Variants in PLXNB3 observed in about 807,000 individuals in gnomAD.
PLXNB3 encodes plexin B3, also known as plexin-B3.
Under a neutral mutation model 125.7 loss-of-function variants are expected in PLXNB3, and 80 were observed. The ratio of observed to expected loss-of-function variants is 0.64; its 90% CI spans 0.53 to 0.77. The LOEUF is 0.77. Among genes scored for constraint, PLXNB3 ranks in the 30% least tolerant of loss-of-function variants. The probability of loss-of-function intolerance (pLI) is 0.00; values close to 1 mark genes in which losing one functional copy is unlikely to be tolerated. For synonymous variants in PLXNB3, 954 were observed against 783.3 expected, an observed-to-expected ratio of 1.22 and a Z score of -3.64; for missense variants, 1,836 against 1,729.3, an observed-to-expected ratio of 1.06 and a Z score of -1.09.
chrX:153,774,826 G>A lies in PLXNB3; in HGVS notation c.3931+20G>A, dbSNP rs781955740. ...TCACAGGTGGGTGCGGAGGCGGGGG[G>A]ACAGGGTACCCACGAGGCCTGAACT... On this transcript the variant is annotated intron_variant, in intron 23 of 35. Coordinates refer to ENST00000361971, the MANE Select transcript of PLXNB3 (RefSeq NM_005393.3). 3 of 1,209,661 alleles carry A rather than the reference G, an allele frequency of 2.5e-6. No individual in the cohort carries two copies. The highest frequency in any genetic ancestry group is 3.0e-5 in the East Asian group (1 of 33,833).
At position 153,765,491 on chromosome X, in the gene PLXNB3, A is replaced by C. The variant is rs1488278692; in HGVS notation, c.-45A>C. On this transcript the variant is annotated 5_prime_UTR_variant, in exon 2 of 36. Transcript: ENST00000361971. ...CTCAGGACAATGCCCCCCCGCAGCC[A>C]TCTCATGCCCATCGCCACTGCCCTG... 1.7e-6 allele frequency: 2 copies of C among 1,167,444 alleles called. No homozygotes were observed. The highest frequency in any genetic ancestry group is 3.6e-5 in the African/African-American group (2 of 56,315).
chrX:153,770,699 G>C, intron 10 of PLXNB3, 57 bp downstream of exon 10: 6 of 1,207,194 alleles, frequency 5.0e-6, no homozygotes, highest in Non-Finnish European at 6.7e-6. Context: ...ACCCTTCCCA[G>C]ACCCGCCCAG....
Position 153,774,692 on chromosome X carries a change from G to T in PLXNB3, c.3831-14G>T. 9.5e-6 allele frequency: 11 copies of T among 1,154,976 alleles called. No individual in the cohort carries two copies. The highest frequency in any genetic ancestry group is 1.3e-5 in the Non-Finnish European group (11 of 865,476). On this transcript the variant is annotated splice_polypyrimidine_tract_variant and intron_variant, in intron 22 of 35. Transcript: ENST00000361971. Reference sequence around the variant, plus strand: ...GCCCCGGCCCTGGCTGATGAAGCTGGCCCCGGGCTGCAGGCACAAGAGCAA... The same window carrying T: ...GCCCCGGCCCTGGCTGATGAAGCTGTCCCCGGGCTGCAGGCACAAGAGCAA...
rs1161774970 is a variant in PLXNB3 at position 153,769,282 on chromosome X, C to G, written c.1496+20C>G. ...GGGCAGGTGAGCACGGGGCCTGTGC[C>G]TAGGCTAGGGCCAACGGGTGGTGTG... On this transcript the variant is annotated intron_variant, in intron 6 of 35. Transcript: ENST00000361971. The G allele has an allele frequency of 3.6e-6, 4 of 1,117,176 alleles. No homozygotes were observed. Among genetic ancestry groups the G allele is most frequent in the African/African-American group, 1.8e-5 (1 of 55,230 alleles). 92.1% of individuals were successfully genotyped at this position (1,117,176 alleles called of 1,213,427 possible).
chrX:153,771,909 A>G lies in PLXNB3; in HGVS notation c.2563A>G (p.Ile855Val), dbSNP rs1488656820. ...CCCTGAGGGAGGCTTGGCCCTCACC[A>G]TCCTGGGCTCCAACCTGGGCCGGGC... ...GPPEGGLALT[I>V]LGSNLGRAFA... The change falls in exon 15 of 36, where the codon ATC (isoleucine) becomes GTC (valine). Residue 855 changes from isoleucine (I) to valine (V), a missense_variant. By Grantham distance (29) the Ile-to-Val change is conservative. Coordinates refer to ENST00000361971, the MANE Select transcript of PLXNB3 (RefSeq NM_005393.3). 6 of 1,208,546 alleles carry G rather than the reference A, an allele frequency of 5.0e-6. No individual in the cohort carries two copies. The African/African-American group carries it at 8.7e-5, about 17-fold the overall frequency.
At position 153,767,605 on chromosome X, in the gene PLXNB3, C is replaced by A; in HGVS notation, c.778C>A (p.Arg260Ser). 4 of 1,190,391 alleles carry A rather than the reference C, an allele frequency of 3.4e-6. No homozygotes were observed. The highest frequency in any genetic ancestry group is 2.4e-4 in the Middle Eastern group (1 of 4,240). Residue 260 changes from arginine to serine, a missense_variant, in exon 3 of 36, where the codon CGC becomes AGC. Physicochemically the swap from Arg to Ser is moderately radical, Grantham distance 110. Transcript: ENST00000361971. ...RRGARAQAEY[R>S]SYVARVCLGD... ...CGGGGCCCGGGCCCAGGCTGAGTAC[C>A]GCTCCTACGTGGCCCGCGTCTGCCT...
Position 153,773,951 on chromosome X carries a change from C to T in PLXNB3, c.3372C>T (p.Phe1124=), listed in dbSNP as rs782784475. 8.3e-7 allele frequency: 1 copy of T among 1,210,993 alleles called. No homozygotes were observed. Among genetic ancestry groups the T allele is most frequent in the Admixed American group, 2.2e-5 (1 of 46,132 alleles). ...PDRAHPQRVF[F]TLDNVQVDFA... is the part of the protein sequence containing the mutation. The stretch of plus-strand genomic sequence containing the variant: ...GAGCCCACCCGCAGCGGGTCTTCTT[C>T]ACCCTAGACAACGTGCAAGTGGACT... Residue 1124 remains phenylalanine (F), a synonymous_variant, in exon 20 of 36, where the codon TTC becomes TTT. Coordinates refer to ENST00000361971, the MANE Select transcript of PLXNB3 (RefSeq NM_005393.3).
intron 6 of PLXNB3, 60 bp from the exon 7 acceptor site, chrX:153,769,738 GGCCCCTGTT>G: frequency 9.0e-7 from 1 of 1,106,640 alleles, no homozygotes; most frequent in Non-Finnish European, 1.2e-6. Flanking sequence ...GGCCTCCCCA[GGCCCCTGTT>G]GCCGGTCATC....
intron 19 of PLXNB3, 21 bp downstream of exon 19, chrX:153,773,734 C>T: frequency 8.6e-7 from 1 of 1,168,855 alleles, no homozygotes; most frequent in Non-Finnish European, 1.1e-6. Context: ...CACCAGCAGG[C>T]GACAAGGCTG....
Position 153,776,186 on chromosome X carries a change from GA to G in PLXNB3, c.4702del (p.Arg1568GlyfsTer7). 1 of 1,187,313 alleles carries G rather than the reference GA, an allele frequency of 8.4e-7. No individual in the cohort carries two copies. The highest frequency in any genetic ancestry group is 1.1e-6 in the Non-Finnish European group (1 of 882,901). ...TCTACAAGGGCACCCCCTTCTCCCA[GA>G]GGCCCTCAGTGCATGCCCTAGACCT... ...QVYKGTPFSQ[R>X]PSVHALDLEW... On this transcript the variant is annotated frameshift_variant, in exon 27 of 36. Coordinates refer to ENST00000361971, the MANE Select transcript of PLXNB3 (RefSeq NM_005393.3). LOFTEE classifies it high-confidence loss of function.
At chrX:153,773,196 G>A in intron 17 of PLXNB3, 34 bp from the exon 18 acceptor site, 1 of 1,166,906 alleles carries the variant, frequency 8.6e-7, no homozygotes, top group Non-Finnish European at 1.2e-6. Flanking sequence ...GGGTGGTAGA[G>A]CCGAGATGAG....
chrX:153,768,171 CGCTGGCAGCCT>C, intron 3 of PLXNB3, 67 bp from the exon 4 acceptor site: 1 of 1,031,572 alleles, frequency 9.7e-7, no homozygotes. Flanking sequence ...GCTCTCCTCC[CGCTGGCAGCCT>C]GGGTACCCCC....
Position 153,775,221 on chromosome X carries a change from T to A in PLXNB3, c.4156-4T>A. ...CCCAGGATGAGCCTCCGACCCCTGCTCAGCTCATCCACACCCTGGAGGAGC... is the reference window on the plus strand; with the variant it reads ...CCCAGGATGAGCCTCCGACCCCTGCACAGCTCATCCACACCCTGGAGGAGC... On this transcript the variant is annotated splice_polypyrimidine_tract_variant and splice_region_variant and intron_variant, in intron 24 of 35. Transcript: ENST00000361971. 8.5e-7 allele frequency: 1 copy of A among 1,174,189 alleles called. No individual in the cohort carries two copies. Among genetic ancestry groups the A allele is most frequent in the Non-Finnish European group, 1.1e-6 (1 of 876,089 alleles).
At chrX:153,773,163 G>T in intron 17 of PLXNB3, 67 bp from the exon 18 acceptor site, 1 of 1,115,261 alleles carries the variant, frequency 9.0e-7, no homozygotes, top group South Asian at 2.1e-5. Context: ...TCCTACGGGG[G>T]TTGGGCCAGG....
At chrX:153,776,777 A>AGGCGG (rs2092000647) in intron 28 of PLXNB3, 110 bp from the exon 29 acceptor site, 2 of 317,405 alleles carry the variant, frequency 6.3e-6, no homozygotes, top group Non-Finnish European at 9.6e-6. Context: ...GGGTGAGGCG[A>AGGCGG]GGCAGGGCAG....
chrX:153,769,685 C>A, intron 6 of PLXNB3, 122 bp from the exon 7 acceptor site: 2 of 739,045 alleles, frequency 2.7e-6, no homozygotes, highest in African/African-American at 2.1e-5. Context: ...CAGTCCCCTT[C>A]ACGCCTCCTG....
At chrX:153,778,736 G>A in intron 35 of PLXNB3, 62 bp downstream of exon 35, 12 of 1,126,995 alleles carry the variant, frequency 1.1e-5, no homozygotes, top group East Asian at 9.6e-5. Flanking sequence ...GGACCCTCCC[G>A]GGGGAGCAGG....
rs1557061885 is a variant in PLXNB3, at chrX:153,771,560, C to T, written c.2422C>T (p.Leu808=). The T allele has an allele frequency of 8.3e-7, 1 of 1,208,798 alleles. No homozygotes were observed. The highest frequency in any genetic ancestry group is 1.1e-6 in the Non-Finnish European group (1 of 894,428). Residue 808 remains leucine, a synonymous_variant, in exon 14 of 36, where the codon CTG becomes TTG. Transcript: ENST00000361971. ...CQAANRSLGC[L]WCADGQPACR... ...AGCGGCCAACAGGAGCCTGGGCTGC[C>T]TGTGGTGTGCTGACGGCCAGCCTGC...
At chrX:153,766,460 C>A in intron 2 of PLXNB3, 3 of 1,072,374 alleles carry the variant, frequency 2.8e-6, no homozygotes, top group Non-Finnish European at 3.6e-6. Flanking sequence ...TTCCAGCTCC[C>A]GCGGCCTCCC....
Sources: allele counts gnomAD v4.1 joint callset, GRCh38; gene constraint gnomAD v4.1.1; transcripts MANE v1.5; gene names NCBI Gene and HGNC (gene_info 2026-07-23, HGNC 2026-07-21).